Variants in ZNF700 observed in about 807,000 individuals in gnomAD.
ZNF700 encodes zinc finger protein 700.
A neutral mutation model predicts 65.3 loss-of-function variants in ZNF700; 38 were observed. The ratio of observed to expected loss-of-function variants is 0.58; its 90% confidence interval spans 0.45 to 0.76. The LOEUF (loss-of-function observed/expected upper bound fraction) is 0.76. Ranked by LOEUF, ZNF700 falls within the 30% of genes least tolerant of loss-of-function variation. The pLI, the probability that ZNF700 is intolerant of heterozygous loss-of-function variation, is 0.00. For synonymous variants in ZNF700, 285 were observed against 290.4 expected (o/e 0.98, Z 0.19); for missense variants, 857 against 888.4 (o/e 0.96, Z 0.45).
chr19:11,927,438 A>AT (rs1002285969), intron 1 of ZNF700, among the ~76,000 whole-genome samples: 21 of 148,804 alleles, frequency 1.4e-4, no homozygotes, highest in African/African-American at 5.0e-4. Flanking sequence ...AAATAAATAA[A>AT]TAAATAAATA....
chr19:11,928,183 G>A (rs1479956902), intron 1 of ZNF700, among the ~76,000 whole-genome samples: 2 of 151,984 alleles, frequency 1.3e-5, no homozygotes, highest in Non-Finnish European at 1.5e-5. Flanking sequence ...GTTAGGTCTC[G>A]TTATGTTGCC....
At chr19:11,932,531 G>A (rs1972729172) in intron 1 of ZNF700, among the ~76,000 whole-genome samples, 1 of 147,916 alleles carries the variant, frequency 6.8e-6, no homozygotes, top group South Asian at 2.1e-4. Flanking sequence ...AGTCAGTACT[G>A]TGAACGATAA....
chr19:11,928,731 CAA>C (rs779525520), intron 1 of ZNF700, among the ~76,000 whole-genome samples: 615 of 53,408 alleles, frequency 0.012, 6 homozygotes, highest in Middle Eastern at 0.038. Context: ...GACTCCGTCT[CAA>C]AAAAAAAAAA....
Position 11,947,533 on chromosome 19 carries a change from G to C in ZNF700, c.210G>C (p.Gln70His). ...LTSIGKKWSD[Q>H]NIEYEYQNPR... is the part of the protein sequence containing the mutation. ...TTTTAGGAAAAAAATGGAGTGACCA[G>C]AACATTGAATATGAGTACCAAAACC... Residue 70 changes from glutamine to histidine, a missense_variant, in exon 3 of 4, where the codon CAG becomes CAC. By Grantham distance (24) the Gln-to-His change is conservative. This residue lies in a region of ZNF700 where 603 missense variants were observed against 619.9 expected (regional missense o/e 0.97). Coordinates refer to ENST00000254321, the MANE Select transcript of ZNF700 (RefSeq NM_144566.3). 3.1e-6 allele frequency: 5 copies of C among 1,613,382 alleles called. No homozygotes were observed. Among genetic ancestry groups the C allele is most frequent in the Non-Finnish European group, 4.2e-6 (5 of 1,179,874 alleles).
chr19:11,941,981 C>T (rs901296578), intron 1 of ZNF700, among the ~76,000 whole-genome samples: 2 of 282 alleles, frequency 7.1e-3, no homozygotes, highest in African/African-American at 0.024. Flanking sequence ...GTGCTTATTA[C>T]ACCTGGTATC....
intron 1 of ZNF700, among the ~76,000 whole-genome samples, chr19:11,938,879 C>T (rs1317428661): frequency 2.0e-5 from 3 of 151,736 alleles, no homozygotes; most frequent in East Asian, 1.9e-4. Flanking sequence ...ACATCCTCTC[C>T]AGCACCTGTT....
At position 11,940,508 on chromosome 19, in the gene ZNF700, G is replaced by A. The variant is rs148210007; in HGVS notation, c.64-6673G>A. Reference sequence around the variant, plus strand: ...TAAGGCAGCGCGTCTGGAGTTCTTCGTTCCTCCTGGTGGGCTCGTGATCTC... The same window carrying A: ...TAAGGCAGCGCGTCTGGAGTTCTTCATTCCTCCTGGTGGGCTCGTGATCTC... On this transcript the variant is annotated intron_variant, in intron 1 of 3. Coordinates refer to ENST00000254321, the MANE Select transcript of ZNF700 (RefSeq NM_144566.3). Among the ~76,000 whole-genome samples the A allele has an allele frequency of 7.5e-3, 1,137 of 152,056 alleles. 13 individuals are homozygous for A. The highest frequency in any genetic ancestry group is 0.027 in the African/African-American group (1,109 of 41,450).
At position 11,931,923 on chromosome 19, in the gene ZNF700, C is replaced by G. The variant is rs1599279894; in HGVS notation, c.63+6650C>G. Among the ~76,000 whole-genome samples the G allele has an allele frequency of 2.0e-5, 3 of 147,916 alleles. No homozygotes were observed. The South Asian group carries it at 6.3e-4, about 31-fold the overall frequency. ...CTGAGTTCAGGAGTTCAAGATCACC[C>G]TGACGAGCATGGAGAAACCCCATCT... On this transcript the variant is annotated intron_variant, in intron 1 of 3. Coordinates refer to ENST00000254321, the MANE Select transcript of ZNF700 (RefSeq NM_144566.3).
chr19:11,943,659 G>A (rs1972918469), intron 1 of ZNF700, among the ~76,000 whole-genome samples: 1 of 152,194 alleles, frequency 6.6e-6, no homozygotes, highest in East Asian at 1.9e-4. Context: ...ATACAGGCAA[G>A]TTCCTTTTAA....
intron 1 of ZNF700, among the ~76,000 whole-genome samples, chr19:11,946,248 C>T (rs1972956772): frequency 6.6e-6 from 1 of 152,068 alleles, no homozygotes. Flanking sequence ...AGGGGTTTCT[C>T]CCGCAGCTTC....
chr19:11,950,007 T>C lies in ZNF700; in HGVS notation c.1983T>C (p.Ser661=), dbSNP rs1973038718. The stretch of plus-strand genomic sequence containing the variant: ...GCGAAAAAGCATTCTGTAAATTCTC[T>C]TCTTTTCAAATACATGAAAGGAAGC... ...KECEKAFCKF[S]SFQIHERKHR... The change falls in exon 4 of 4, where the codon TCT becomes TCC. Residue 661 remains serine (S), a synonymous_variant. Coordinates refer to ENST00000254321, the MANE Select transcript of ZNF700 (RefSeq NM_144566.3). The C allele has an allele frequency of 3.1e-6, 5 of 1,614,066 alleles. No homozygotes were observed. Among genetic ancestry groups the C allele is most frequent in the Non-Finnish European group, 4.2e-6 (5 of 1,179,984 alleles).
intron 1 of ZNF700, among the ~76,000 whole-genome samples, chr19:11,942,191 G>A (rs1373245824): frequency 1.3e-5 from 2 of 150,368 alleles, no homozygotes; most frequent in Non-Finnish European, 1.5e-5. Flanking sequence ...CTTATATCTA[G>A]CATGCCTGTT....
At position 11,949,217 on chromosome 19, in the gene ZNF700, C is replaced by A. The variant is rs1568298177; in HGVS notation, c.1193C>A (p.Ala398Asp). 26 of 1,613,746 alleles carry A rather than the reference C, an allele frequency of 1.6e-5. No individual in the cohort carries two copies. Among genetic ancestry groups the A allele is most frequent in the Non-Finnish European group, 2.2e-5 (26 of 1,179,896 alleles). Residue 398 changes from alanine (A) to aspartate (D), a missense_variant, in exon 4 of 4, where the codon GCC (alanine) becomes GAC (aspartate). Transcript: ENST00000254321. The part of the protein sequence containing the change: ...KRYKCKQCGK[A>D]FNLSSSFRYH... ...TATAAATGCAAGCAATGTGGTAAAG[C>A]CTTCAATCTTTCCAGTTCCTTTCGA...
Position 11,948,539 on chromosome 19 carries a change from A to G in ZNF700, c.515A>G (p.Lys172Arg). 6.2e-7 allele frequency: 1 copy of G among 1,610,732 alleles called. No individual in the cohort carries two copies. Among genetic ancestry groups the G allele is most frequent in the Non-Finnish European group, 8.5e-7 (1 of 1,179,316 alleles). The change falls in exon 4 of 4, where the codon AAG becomes AGG. Residue 172 changes from lysine (K) to arginine (R), a missense_variant. Transcript: ENST00000254321. ...KPYKCQQPKNKKAFRYRPSIR... is the reference protein window; with the variant it reads ...KPYKCQQPKNRKAFRYRPSIR... The stretch of plus-strand genomic sequence containing the variant: ...TATAAGTGTCAACAACCTAAAAATA[A>G]GAAAGCCTTCAGGTATCGCCCATCC...
At chr19:11,928,719 G>A (rs1160142383) in intron 1 of ZNF700, among the ~76,000 whole-genome samples, 5 of 131,158 alleles carry the variant, frequency 3.8e-5, no homozygotes, top group South Asian at 4.7e-4. Context: ...GCGACAGAGC[G>A]AGACTCCGTC....
chr19:11,941,682 A>T (rs1005985960), intron 1 of ZNF700, among the ~76,000 whole-genome samples: 1 of 151,052 alleles, frequency 6.6e-6, no homozygotes, highest in African/African-American at 2.4e-5. Flanking sequence ...CTCTCCCTCC[A>T]CCCCTCCCTG....
At chr19:11,941,170 T>C (rs1180221305) in intron 1 of ZNF700, among the ~76,000 whole-genome samples, 1 of 152,232 alleles carries the variant, frequency 6.6e-6, no homozygotes, top group East Asian at 1.9e-4. Flanking sequence ...GCATTTACAA[T>C]CCCTGGGCTA....
Position 11,950,013 on chromosome 19 carries a change from T to G in ZNF700, c.1989T>G (p.Phe663Leu), listed in dbSNP as rs763712925. Reference sequence around the variant, plus strand: ...AAGCATTCTGTAAATTCTCTTCTTTTCAAATACATGAAAGGAAGCACAGAG... The same window carrying G: ...AAGCATTCTGTAAATTCTCTTCTTTGCAAATACATGAAAGGAAGCACAGAG... Reference protein sequence around the residue: ...CEKAFCKFSSFQIHERKHRGE... With the variant: ...CEKAFCKFSSLQIHERKHRGE... The change falls in exon 4 of 4, where the codon TTT becomes TTG. Residue 663 changes from phenylalanine to leucine, a missense_variant. Coordinates refer to ENST00000254321, the MANE Select transcript of ZNF700 (RefSeq NM_144566.3). 4 of 1,614,010 alleles carry G rather than the reference T, an allele frequency of 2.5e-6. No individual in the cohort carries two copies. In the South Asian group the frequency reaches 3.3e-5, roughly 13 times the overall value.
Position 11,948,331 on chromosome 19 carries a change from A to G in ZNF700, c.307A>G (p.Thr103Ala), listed in dbSNP as rs1972994418. 2.5e-6 allele frequency: 4 copies of G among 1,613,852 alleles called. No individual in the cohort carries two copies. The highest frequency in any genetic ancestry group is 4.5e-5 in the East Asian group (2 of 44,868). The change falls in exon 4 of 4, where the codon ACT becomes GCT. Residue 103 changes from threonine (T) to alanine (A), a missense_variant. Physicochemically the swap from Thr to Ala is moderately conservative, Grantham distance 58. Around this residue, in one of 3 missense-constraint regions of ZNF700, gnomAD observed 603 missense variants for 619.9 expected, o/e 0.97. Coordinates refer to ENST00000254321, the MANE Select transcript of ZNF700 (RefSeq NM_144566.3). The stretch of plus-strand genomic sequence containing the variant: ...TAAAGAAGACAGTCATTGTGGAGAA[A>G]CTTTTACCCAGGTTCCAGATGACAG... ...EIKEDSHCGE[T>A]FTQVPDDRLN...
Sources: allele counts gnomAD v4.1 joint callset (sites outside exome capture counted in the v4.1 genomes callset), GRCh38; gene constraint gnomAD v4.1.1; regional missense constraint gnomAD v4.1.1; transcripts MANE v1.5; gene names NCBI Gene and HGNC (gene_info 2026-07-23, HGNC 2026-07-21).